NRXN3: variants seen among roughly 807,000 people sequenced by gnomAD.
NRXN3 encodes the protein neurexin III.
In NRXN3, 32 loss-of-function variants were observed where a neutral mutation model predicts 137.6. The ratio of observed to expected loss-of-function variants is 0.23; its 90% CI spans 0.18 to 0.31. The LOEUF is 0.31. NRXN3 is among the 10% of genes least tolerant of loss of function. The pLI is 1.00. For synonymous variants in NRXN3, 798 were observed against 784.5 expected (o/e 1.02, Z -0.29); for missense variants, 1,574 against 2,062.5 (o/e 0.76, Z 4.59).
intron 10 of NRXN3, among the ~76,000 whole-genome samples, chr14:78,925,557 C>T (rs1234563555): frequency 1.3e-5 from 2 of 152,134 alleles, no homozygotes; most frequent in African/African-American, 4.8e-5. Context: ...TTTGCCAAAC[C>T]CTCCCTATGT....
chr14:78,447,752 T>A (rs2094454478), intron 4 of NRXN3, among the ~76,000 whole-genome samples: 1 of 152,158 alleles, frequency 6.6e-6, no homozygotes, highest in African/African-American at 2.4e-5. Flanking sequence ...GAAAATGGAG[T>A]CTGTGGGTTT....
chr14:79,796,345 G>A (rs1459456770), intron 19 of NRXN3, among the ~76,000 whole-genome samples: 2 of 152,084 alleles, frequency 1.3e-5, no homozygotes, highest in Non-Finnish European at 2.9e-5. Flanking sequence ...TCCTGCTTTT[G>A]GGAAGGTACA....
chr14:78,962,877 C>G (rs546790564), intron 11 of NRXN3, among the ~76,000 whole-genome samples: 1 of 152,096 alleles, frequency 6.6e-6, no homozygotes, highest in Non-Finnish European at 1.5e-5. Flanking sequence ...CCACGCCAGG[C>G]TAATTTTTGT....
At chr14:78,627,104 TTCTCTCTCTCTCTCTCTCTCTCTC>T (rs68104206) in intron 4 of NRXN3, among the ~76,000 whole-genome samples, 2 of 120,986 alleles carry the variant, frequency 1.7e-5, no homozygotes, top group African/African-American at 6.3e-5. Context: ...CCTCCCTCCC[TTCTCTCTCTCTCTCTCTCTCTCTC>T]TCTCTCTCTC....
At chr14:79,680,860 G>A (rs2098666702) in intron 17 of NRXN3, among the ~76,000 whole-genome samples, 1 of 152,056 alleles carries the variant, frequency 6.6e-6, no homozygotes, top group Admixed American at 6.5e-5. Context: ...GATAGAAGGA[G>A]GTCAGATAAG....
At chr14:78,590,316 C>T (rs749850326) in intron 4 of NRXN3, among the ~76,000 whole-genome samples, 2 of 152,202 alleles carry the variant, frequency 1.3e-5, no homozygotes, top group Non-Finnish European at 2.9e-5. Context: ...TTCCCCTTAC[C>T]TGTACAATGC....
At chr14:79,057,396 G>T (rs978857905) in intron 15 of NRXN3, among the ~76,000 whole-genome samples, 2 of 152,290 alleles carry the variant, frequency 1.3e-5, no homozygotes, top group Non-Finnish European at 2.9e-5. Flanking sequence ...TGTGGATTTA[G>T]TGTGTGTTAT....
chr14:79,037,784 G>A (rs2099618535), intron 15 of NRXN3, among the ~76,000 whole-genome samples: 1 of 152,086 alleles, frequency 6.6e-6, no homozygotes, highest in Non-Finnish European at 1.5e-5. Flanking sequence ...AGGGTTGTGG[G>A]ATTTATGACT....
At chr14:79,766,279 T>A (rs2099055707) in intron 19 of NRXN3, among the ~76,000 whole-genome samples, 1 of 152,198 alleles carries the variant, frequency 6.6e-6, no homozygotes, top group South Asian at 2.1e-4. Context: ...AATGGGTTTT[T>A]CTCTAAGGAT....
intron 16 of NRXN3, among the ~76,000 whole-genome samples, chr14:79,524,498 T>G (rs1034703605): frequency 6.6e-6 from 1 of 152,158 alleles, no homozygotes; most frequent in African/African-American, 2.4e-5. Context: ...GATATGATGA[T>G]CGACAATAAA....
chr14:79,712,028 AC>A (rs2154052503), intron 19 of NRXN3, among the ~76,000 whole-genome samples: 1 of 152,256 alleles, frequency 6.6e-6, no homozygotes, highest in East Asian at 1.9e-4. Context: ...CAAACACGAT[AC>A]CGGGCCTCAG....
chr14:78,239,656 ATACT>A lies in NRXN3; in HGVS notation c.-703-2731_-703-2728del, dbSNP rs1309371510. ...ATTATTTCTGGAACATTCTTCCCAG[ATACT>A]TACATGGCTGATTCCCTCACACTCT... is the stretch of plus-strand genomic sequence containing the variant. On this transcript the variant is annotated intron_variant, in intron 1 of 20. Coordinates refer to ENST00000335750, the MANE Select transcript of NRXN3 (RefSeq NM_001330195.2). 2.0e-5 allele frequency among the ~76,000 whole-genome samples: 3 copies of A among 151,898 alleles called. 1 individual carries two copies. The East Asian group carries it at 5.8e-4, about 29-fold the overall frequency.
At chr14:78,954,286 G>A (rs950481341) in intron 10 of NRXN3, among the ~76,000 whole-genome samples, 5 of 152,152 alleles carry the variant, frequency 3.3e-5, no homozygotes, top group African/African-American at 1.2e-4. Flanking sequence ...GAGGCCAAGG[G>A]TTTTACAAAA....
chr14:79,097,838 A>G (rs1265011408), intron 15 of NRXN3, among the ~76,000 whole-genome samples: 3 of 152,146 alleles, frequency 2.0e-5, no homozygotes, highest in Non-Finnish European at 2.9e-5. Flanking sequence ...TTTGTCCCCC[A>G]TGTCAGAAAT....
intron 4 of NRXN3, among the ~76,000 whole-genome samples, chr14:78,437,860 T>C (rs1265326261): frequency 6.6e-6 from 1 of 152,148 alleles, no homozygotes; most frequent in Non-Finnish European, 1.5e-5. Flanking sequence ...AATTAAAAAA[T>C]TTAACGGTAA....
intron 17 of NRXN3, among the ~76,000 whole-genome samples, chr14:79,689,292 C>T (rs937370810): frequency 2.0e-5 from 3 of 151,888 alleles, no homozygotes; most frequent in Non-Finnish European, 4.4e-5. Context: ...TTAGAGTAGC[C>T]CTGTATAAGA....
intron 4 of NRXN3, among the ~76,000 whole-genome samples, chr14:78,351,494 A>G (rs2083484245): frequency 6.6e-6 from 1 of 152,160 alleles, no homozygotes; most frequent in Admixed American, 6.6e-5. Flanking sequence ...ACTTGCTATT[A>G]TGGGCCTTAT....
intron 16 of NRXN3, among the ~76,000 whole-genome samples, chr14:79,486,012 GTAT>G (rs2096652632): frequency 1.3e-5 from 2 of 151,940 alleles, no homozygotes; most frequent in African/African-American, 4.8e-5. Flanking sequence ...TCTTAAATCT[GTAT>G]TATTGTTATT....
At chr14:78,499,761 G>A (rs1435505436) in intron 4 of NRXN3, among the ~76,000 whole-genome samples, 1 of 152,126 alleles carries the variant, frequency 6.6e-6, no homozygotes, top group Admixed American at 6.5e-5. Context: ...GGAGTGTTGT[G>A]GGATTGAAGG....
Sources: allele counts gnomAD v4.1 joint callset (sites outside exome capture counted in the v4.1 genomes callset), GRCh38; gene constraint gnomAD v4.1.1; transcripts MANE v1.5; gene names NCBI Gene and HGNC (gene_info 2026-07-23, HGNC 2026-07-21).